Variants in COL5A2 observed in about 807,000 individuals in gnomAD.
COL5A2 encodes collagen type V alpha 2 chain, also known as collagen alpha-2(V) chain.
Under a neutral mutation model 208.2 loss-of-function variants are expected in COL5A2, and 23 were observed. The observed-to-expected ratio is 0.11, with a 90% CI of 0.08 to 0.16. The LOEUF (loss-of-function observed/expected upper bound fraction) is 0.16, where lower values mean the gene tolerates loss of function less well. Among genes scored for constraint, COL5A2 ranks in the 10% least tolerant of loss-of-function variants. The probability of loss-of-function intolerance (pLI) is 1.00; values close to 1 mark genes in which losing one functional copy is unlikely to be tolerated. For synonymous variants in COL5A2, 625 were observed against 628.5 expected (o/e 0.99, Z 0.08); for missense variants, 1,590 against 1,956.4 (o/e 0.81, Z 3.53).
chr2:189,108,098 T>TC (rs1687185307), intron 2 of COL5A2, among the ~76,000 whole-genome samples: 1 of 151,688 alleles, frequency 6.6e-6, no homozygotes, highest in Non-Finnish European at 1.5e-5. Context: ...TTCTTTTGCC[T>TC]CCCCCTTTCA....
intron 12 of COL5A2, among the ~76,000 whole-genome samples, chr2:189,083,765 C>A (rs1173574523): frequency 6.6e-6 from 1 of 152,038 alleles, no homozygotes; most frequent in Non-Finnish European, 1.5e-5. Context: ...ACTTCTCTAG[C>A]TCCAGAAGGC....
chr2:189,322,552 T>C, the COL5A2 span, among the ~76,000 whole-genome samples: 9 of 152,230 alleles, frequency 5.9e-5, no homozygotes, highest in Admixed American at 1.3e-4. Context: ...TAAACACCTC[T>C]ACGCAAATAA....
At chr2:189,253,044 A>T in the COL5A2 span, among the ~76,000 whole-genome samples, 2 of 152,202 alleles carry the variant, frequency 1.3e-5, no homozygotes, top group Non-Finnish European at 2.9e-5. Context: ...ATTGAAAGGT[A>T]ATTCTGGGGA....
At chr2:189,135,439 C>T (rs1215154991) in intron 1 of COL5A2, among the ~76,000 whole-genome samples, 1 of 152,120 alleles carries the variant, frequency 6.6e-6, no homozygotes, top group Non-Finnish European at 1.5e-5. Context: ...AGAAATACTG[C>T]CTAAGCTTGA....
chr2:189,427,597 T>C, the COL5A2 span, among the ~76,000 whole-genome samples: 1 of 152,046 alleles, frequency 6.6e-6, no homozygotes, highest in Admixed American at 6.5e-5. Context: ...CCACAGACAT[T>C]CAATGCCAGC....
In COL5A2 at chr2:189,045,192, T is replaced by A. The variant is rs777149958; in HGVS notation, c.3350A>T (p.Lys1117Ile). 6.2e-7 allele frequency: 1 copy of A among 1,606,788 alleles called. No homozygotes were observed. ...AAGAGAACTTACAGGTAATCCACGT[T>A]TCCCAGCTCGACCAGGTGGTCCTAT... is the stretch of plus-strand genomic sequence containing the variant. The part of the protein sequence containing the change: ...GPIGPPGRAG[K>I]RGLPGPQGPR... The change falls in exon 47 of 54, where the codon AAA becomes ATA. Residue 1117 changes from lysine to isoleucine, a missense_variant. Transcript: ENST00000374866.
intron 1 of COL5A2, among the ~76,000 whole-genome samples, chr2:189,125,830 C>T (rs910755091): frequency 1.3e-5 from 2 of 151,960 alleles, no homozygotes; most frequent in African/African-American, 4.8e-5. Flanking sequence ...CGCCCATAAC[C>T]CCCATATTGT....
At chr2:189,365,255 C>G in the COL5A2 span, among the ~76,000 whole-genome samples, 1 of 152,230 alleles carries the variant, frequency 6.6e-6, no homozygotes, top group Non-Finnish European at 1.5e-5. Context: ...AGCTTTAAGT[C>G]ATGGTTAGTT....
At chr2:189,277,119 AT>A in the COL5A2 span, among the ~76,000 whole-genome samples, 2 of 152,132 alleles carry the variant, frequency 1.3e-5, no homozygotes, top group African/African-American at 4.8e-5. Context: ...TAAAAACTAT[AT>A]GTAGAAATGA....
At chr2:189,252,135 G>C in the COL5A2 span, among the ~76,000 whole-genome samples, 486 of 152,302 alleles carry the variant, frequency 3.2e-3, 2 homozygotes, top group African/African-American at 0.011. Flanking sequence ...AGGATGTGGA[G>C]AAATAGGAAC....
the COL5A2 span, among the ~76,000 whole-genome samples, chr2:189,411,442 G>A: frequency 2.0e-5 from 3 of 152,178 alleles, no homozygotes; most frequent in African/African-American, 7.2e-5. Context: ...GAGCAAGAAG[G>A]AAAAGAAAGT....
chr2:189,273,740 A>G, the COL5A2 span, among the ~76,000 whole-genome samples: 1 of 152,188 alleles, frequency 6.6e-6, no homozygotes, highest in Admixed American at 6.6e-5. Context: ...TTACTAAGTA[A>G]GTCAGGCACA....
intron 2 of COL5A2, among the ~76,000 whole-genome samples, chr2:189,104,701 GTGTTCCCTA>G (rs930179306): frequency 4.6e-5 from 7 of 151,756 alleles, no homozygotes; most frequent in Non-Finnish European, 1.0e-4. Flanking sequence ...ATCTGGTCCT[GTGTTCCCTA>G]TTTCCACTTT....
At chr2:189,373,065 T>C in the COL5A2 span, among the ~76,000 whole-genome samples, 1 of 152,222 alleles carries the variant, frequency 6.6e-6, no homozygotes, top group African/African-American at 2.4e-5. Flanking sequence ...TTCCATATGC[T>C]ACACTTGGCA....
At chr2:189,267,677 G>C in the COL5A2 span, among the ~76,000 whole-genome samples, 1 of 152,036 alleles carries the variant, frequency 6.6e-6, no homozygotes, top group African/African-American at 2.4e-5. Flanking sequence ...TGCTCCTGGA[G>C]ACATGATTCA....
the COL5A2 span, among the ~76,000 whole-genome samples, chr2:189,371,589 T>C: frequency 6.6e-6 from 1 of 152,192 alleles, no homozygotes; most frequent in African/African-American, 2.4e-5. Flanking sequence ...GCAAAGAGTT[T>C]GGCAACACTG....
intron 1 of COL5A2, among the ~76,000 whole-genome samples, chr2:189,189,493 G>A (rs947262893): frequency 3.3e-5 from 5 of 152,116 alleles, no homozygotes; most frequent in Non-Finnish European, 5.9e-5. Context: ...AGACCAGCCT[G>A]AGCAACATAA....
chr2:189,057,051 T>C, intron 34 of COL5A2, 25 bp from the exon 35 acceptor site: 1 of 1,608,410 alleles, frequency 6.2e-7, no homozygotes, highest in Non-Finnish European at 8.5e-7. Context: ...AAAATACAAT[T>C]GATTCATTTA....
At chr2:189,394,256 GA>G in the COL5A2 span, among the ~76,000 whole-genome samples, 2 of 148,028 alleles carry the variant, frequency 1.4e-5, no homozygotes, top group East Asian at 2.0e-4. Flanking sequence ...GAAAGATTTT[GA>G]AAAAAAAACA....
Sources: gnomAD v4.1 joint callset for allele counts (sites outside exome capture counted in the v4.1 genomes callset) on GRCh38, gnomAD v4.1.1 for gene constraint, MANE v1.5 for transcripts, NCBI Gene and HGNC (gene_info 2026-07-23, HGNC 2026-07-21) for gene names.